Variants in FRMD4B observed in about 807,000 individuals in gnomAD.
The protein encoded by FRMD4B is FERM domain-containing protein 4B.
FRMD4B carries 74 observed loss-of-function variants against 141.5 expected under a neutral mutation model. That is an observed-to-expected ratio of 0.52 (90% CI 0.43 to 0.63). The LOEUF (loss-of-function observed/expected upper bound fraction) is 0.63, where lower values mean the gene tolerates loss of function less well. Among genes scored for constraint, FRMD4B ranks in the 30% least tolerant of loss-of-function variants. The probability of loss-of-function intolerance (pLI) is 0.00; values close to 1 mark genes in which losing one functional copy is unlikely to be tolerated. For missense variants in FRMD4B, 1,366 were observed against 1,253.4 expected (o/e 1.09, Z -1.36); for synonymous variants, 506 against 467.9 (o/e 1.08, Z -1.05).
chr3:69,354,448 G>A (rs78645665), intron 1 of FRMD4B, among the ~76,000 whole-genome samples: 1 of 152,090 alleles, frequency 6.6e-6, no homozygotes, highest in African/African-American at 2.4e-5. Context: ...AGTATGGTAT[G>A]GTTAAGAATA....
intron 1 of FRMD4B, among the ~76,000 whole-genome samples, chr3:69,330,695 C>T (rs1424040236): frequency 6.6e-6 from 1 of 151,580 alleles, no homozygotes; most frequent in Non-Finnish European, 1.5e-5. Context: ...CAGGGTCTCA[C>T]TATGTTGCCC....
upstream of FRMD4B, among the ~76,000 whole-genome samples, chr3:69,389,816 C>T (rs529617538): frequency 5.9e-5 from 9 of 152,240 alleles, no homozygotes; most frequent in African/African-American, 1.9e-4. Flanking sequence ...CTAACCAGAT[C>T]CCAGACACAC....
chr3:69,457,756 G>A (rs1705643324), intron 1 of FRMD4B, among the ~76,000 whole-genome samples: 1 of 152,136 alleles, frequency 6.6e-6, no homozygotes, highest in Non-Finnish European at 1.5e-5. Flanking sequence ...AAGTTTTCTG[G>A]CTTAGTAGCC....
chr3:69,351,915 A>G (rs1295574758), intron 1 of FRMD4B, among the ~76,000 whole-genome samples: 1 of 152,180 alleles, frequency 6.6e-6, no homozygotes, highest in Non-Finnish European at 1.5e-5. Flanking sequence ...TCAGCCAATA[A>G]TATTTGTCCA....
At chr3:69,504,640 A>G (rs187938095) in intron 1 of FRMD4B, among the ~76,000 whole-genome samples, 1 of 152,260 alleles carries the variant, frequency 6.6e-6, no homozygotes, top group Admixed American at 6.5e-5. Context: ...ATCTACCAAC[A>G]CTTCATTCCT....
chr3:69,337,773 G>C (rs1702604287), intron 1 of FRMD4B, among the ~76,000 whole-genome samples: 1 of 152,206 alleles, frequency 6.6e-6, no homozygotes, highest in African/African-American at 2.4e-5. Flanking sequence ...TCTCACACCA[G>C]TTAAAATGGC....
chr3:69,446,893 C>T (rs1705418201), intron 1 of FRMD4B, among the ~76,000 whole-genome samples: 2 of 152,164 alleles, frequency 1.3e-5, no homozygotes, highest in Non-Finnish European at 2.9e-5. Flanking sequence ...TCTTACAGTG[C>T]TTCTTGAGGG....
chr3:69,399,055 A>T (rs1704517126), intron 2 of FRMD4B, among the ~76,000 whole-genome samples: 1 of 152,138 alleles, frequency 6.6e-6, no homozygotes, highest in East Asian at 1.9e-4. Context: ...AAGAAAAAAA[A>T]TTACTTGGAA....
chr3:69,329,380 C>T (rs1297761156), intron 1 of FRMD4B, among the ~76,000 whole-genome samples: 3 of 152,068 alleles, frequency 2.0e-5, no homozygotes, highest in Non-Finnish European at 4.4e-5. Context: ...GACAGAGTCT[C>T]ATTCCGTCAC....
intron 2 of FRMD4B, among the ~76,000 whole-genome samples, chr3:69,419,416 A>G (rs1215578889): frequency 6.6e-6 from 1 of 152,136 alleles, no homozygotes; most frequent in African/African-American, 2.4e-5. Flanking sequence ...AGAGGTGGCC[A>G]CTCATAGGTC....
intron 12 of FRMD4B, among the ~76,000 whole-genome samples, chr3:69,197,379 A>C (rs900319102): frequency 1.3e-5 from 2 of 152,230 alleles, no homozygotes; most frequent in Non-Finnish European, 2.9e-5. Flanking sequence ...AAATGGGATA[A>C]GATTTTAAAG....
At chr3:69,389,098 A>G (rs1704329451), upstream of FRMD4B, among the ~76,000 whole-genome samples, 1 of 141,330 alleles carries the variant, frequency 7.1e-6, no homozygotes, top group Non-Finnish European at 1.5e-5. Flanking sequence ...CAGTGGCACC[A>G]TCTCAGTTCA....
At chr3:69,381,518 C>T (rs115731664) in intron 1 of FRMD4B, among the ~76,000 whole-genome samples, 7,115 of 152,102 alleles carry the variant, frequency 0.047, 260 homozygotes, top group Non-Finnish European at 0.068. Context: ...AAAATGACAC[C>T]TTTTTATCAA....
intron 5 of FRMD4B, among the ~76,000 whole-genome samples, chr3:69,259,735 A>C (rs1242685797): frequency 6.6e-6 from 1 of 152,240 alleles, no homozygotes; most frequent in Non-Finnish European, 1.5e-5. Context: ...TGATCTTGTC[A>C]GGTTTAAAAA....
chr3:69,356,101 G>A (rs1297683676), intron 1 of FRMD4B, among the ~76,000 whole-genome samples: 2 of 152,170 alleles, frequency 1.3e-5, no homozygotes, highest in African/African-American at 2.4e-5. Flanking sequence ...CTGGGGGTAG[G>A]GGGGAACCCC....
At chr3:69,251,015 C>G (rs1169160525) in intron 5 of FRMD4B, among the ~76,000 whole-genome samples, 1 of 151,906 alleles carries the variant, frequency 6.6e-6, no homozygotes, top group Non-Finnish European at 1.5e-5. Flanking sequence ...TTCATATGCA[C>G]CTTTATATTT....
chr3:69,503,766 C>A (rs1034420256), intron 1 of FRMD4B, among the ~76,000 whole-genome samples: 1 of 152,196 alleles, frequency 6.6e-6, no homozygotes, highest in East Asian at 1.9e-4. Flanking sequence ...ATACTTCCCA[C>A]TTTGGAGATC....
intron 1 of FRMD4B, among the ~76,000 whole-genome samples, chr3:69,324,863 C>A (rs151194909): frequency 6.0e-5 from 9 of 150,512 alleles, no homozygotes; most frequent in African/African-American, 2.0e-4. Context: ...AAGGCTGAGG[C>A]GGGGGGGGAT....
Position 69,262,459 on chromosome 3 carries a change from CTT to C in FRMD4B, c.502-12362_502-12361del, listed in dbSNP as rs71618271. ...CAAATACTGCAAGGTACACAAATGA[CTT>C]TTTTTTTTTTTTTTTTTTTTTTTTG... is the stretch of plus-strand genomic sequence containing the variant. On this transcript the variant is annotated intron_variant, in intron 5 of 22. Transcript: ENST00000398540. 3.9e-3 allele frequency among the ~76,000 whole-genome samples: 335 copies of C among 86,790 alleles called. 1 individual carries two copies. Among genetic ancestry groups the C allele is most frequent in the African/African-American group, 0.015 (324 of 21,466 alleles). 56.9% of individuals were successfully genotyped at this position (86,790 alleles called of 152,430 possible).
Sources: allele counts gnomAD v4.1 joint callset (sites outside exome capture counted in the v4.1 genomes callset), GRCh38; gene constraint gnomAD v4.1.1; transcripts MANE v1.5; gene names NCBI Gene and HGNC (gene_info 2026-07-23, HGNC 2026-07-21).